The following LGR4 variants were observed in gnomAD, a reference collection of about 807,000 sequenced individuals.
LGR4 encodes leucine-rich repeat-containing G protein-coupled receptor 4.
In LGR4, 44 loss-of-function variants were observed where a neutral mutation model predicts 84.8. The ratio of observed to expected loss-of-function variants is 0.52; its 90% CI spans 0.41 to 0.67. The LOEUF (loss-of-function observed/expected upper bound fraction) is 0.67, where lower values mean the gene tolerates loss of function less well. Among genes scored for constraint, LGR4 ranks in the 30% least tolerant of loss-of-function variants. The pLI is 0.00. For synonymous variants in LGR4, 429 were observed against 434.3 expected (o/e 0.99, Z 0.15); for missense variants, 1,032 against 1,131.4 (o/e 0.91, Z 1.26).
chr11:27,415,623 T>C (rs1863801710), intron 1 of LGR4, among the ~76,000 whole-genome samples: 1 of 152,132 alleles, frequency 6.6e-6, no homozygotes, highest in African/African-American at 2.4e-5. Flanking sequence ...GTAATACTTA[T>C]TTCTAAATTT....
At chr11:27,419,850 G>C (rs937098347) in intron 1 of LGR4, among the ~76,000 whole-genome samples, 1 of 151,828 alleles carries the variant, frequency 6.6e-6, no homozygotes, top group African/African-American at 2.4e-5. Context: ...CATATTGCAC[G>C]ATTCCATTTA....
chr11:27,455,244 C>A (rs1233812557), intron 1 of LGR4, among the ~76,000 whole-genome samples: 1 of 152,054 alleles, frequency 6.6e-6, no homozygotes, highest in Non-Finnish European at 1.5e-5. Flanking sequence ...TTTTAACATA[C>A]CCTGGAGCAC....
At chr11:27,385,667 A>G (rs1435926196) in intron 4 of LGR4, 199 bp from the exon 5 acceptor site, 1 of 404,712 alleles carries the variant, frequency 2.5e-6, no homozygotes, top group Non-Finnish European at 4.3e-6. Flanking sequence ...CTCTTTCTTC[A>G]TAAGAATGGC....
chr11:27,426,768 A>G (rs1219136738), intron 1 of LGR4, among the ~76,000 whole-genome samples: 1 of 152,226 alleles, frequency 6.6e-6, no homozygotes, highest in African/African-American at 2.4e-5. Context: ...TGAGACCCAG[A>G]GGGGTTAAAT....
At chr11:27,447,179 TATAATA>T (rs573204253) in intron 1 of LGR4, among the ~76,000 whole-genome samples, 1 of 151,658 alleles carries the variant, frequency 6.6e-6, no homozygotes, top group Non-Finnish European at 1.5e-5. Flanking sequence ...GAACTTAAAG[TATAATA>T]ATAATAATAA....
intron 2 of LGR4, among the ~76,000 whole-genome samples, chr11:27,397,272 C>G (rs1048506187): frequency 2.6e-5 from 4 of 152,186 alleles, no homozygotes; most frequent in African/African-American, 9.6e-5. Flanking sequence ...CCGGTATGAA[C>G]TCATGATATC....
chr11:27,378,324 A>T (rs1863028250), intron 11 of LGR4, among the ~76,000 whole-genome samples: 2 of 152,178 alleles, frequency 1.3e-5, no homozygotes, highest in South Asian at 4.1e-4. Flanking sequence ...GCTTTAGTTC[A>T]TTCCAGACTG....
intron 1 of LGR4, among the ~76,000 whole-genome samples, chr11:27,440,989 G>A (rs907766638): frequency 9.9e-5 from 15 of 152,082 alleles, no homozygotes; most frequent in Non-Finnish European, 1.3e-4. Flanking sequence ...TTTTATGCTC[G>A]TGAAAGTATT....
intron 1 of LGR4, among the ~76,000 whole-genome samples, chr11:27,424,757 T>C (rs1863989056): frequency 6.6e-6 from 1 of 152,170 alleles, no homozygotes; most frequent in Non-Finnish European, 1.5e-5. Flanking sequence ...TGTCTGTTTG[T>C]TTGTTTTTGA....
chr11:27,428,657 G>A (rs1864065599), intron 1 of LGR4, among the ~76,000 whole-genome samples: 1 of 152,218 alleles, frequency 6.6e-6, no homozygotes, highest in Middle Eastern at 3.2e-3. Context: ...AGATAGATAA[G>A]AGCCCCCTGA....
chr11:27,414,092 T>C (rs200386937), intron 1 of LGR4, among the ~76,000 whole-genome samples: 5 of 152,166 alleles, frequency 3.3e-5, no homozygotes, highest in East Asian at 1.9e-4. Flanking sequence ...TAAGACTACA[T>C]AGAAAATCTT....
At chr11:27,378,376 G>C (rs945252480) in intron 11 of LGR4, among the ~76,000 whole-genome samples, 1 of 152,146 alleles carries the variant, frequency 6.6e-6, no homozygotes, top group African/African-American at 2.4e-5. Flanking sequence ...ATGAAAGAAG[G>C]AGACTATGAG....
intron 2 of LGR4, among the ~76,000 whole-genome samples, chr11:27,395,432 A>G (rs921581775): frequency 2.6e-5 from 4 of 152,232 alleles, no homozygotes; most frequent in Non-Finnish European, 5.9e-5. Context: ...GTCAACAGAA[A>G]AGAGTGTTTG....
intron 2 of LGR4, among the ~76,000 whole-genome samples, chr11:27,398,907 CTCTCTT>C (rs1863442450): frequency 2.0e-5 from 3 of 152,106 alleles, no homozygotes; most frequent in Non-Finnish European, 1.5e-5. Flanking sequence ...TTCTCTCTCT[CTCTCTT>C]TCTCTTTTTT....
At chr11:27,430,371 A>T (rs960717429) in intron 1 of LGR4, among the ~76,000 whole-genome samples, 2 of 152,164 alleles carry the variant, frequency 1.3e-5, no homozygotes, top group African/African-American at 4.8e-5. Context: ...TCAGAGAACA[A>T]GTTGCCCTGG....
At chr11:27,452,684 C>T (rs539685770) in intron 1 of LGR4, among the ~76,000 whole-genome samples, 26 of 134,902 alleles carry the variant, frequency 1.9e-4, no homozygotes, top group African/African-American at 2.3e-4. Flanking sequence ...AGTGCAGTGG[C>T]GCGATCTCGG....
chr11:27,431,508 C>T (rs1484843777), intron 1 of LGR4, among the ~76,000 whole-genome samples: 1 of 152,214 alleles, frequency 6.6e-6, no homozygotes, highest in Non-Finnish European at 1.5e-5. Flanking sequence ...TATCCTATTC[C>T]ATAACCAATA....
Position 27,380,951 on chromosome 11 carries a change from A to T in LGR4, c.774T>A (p.Asn258Lys). 6.5e-7 allele frequency: 1 copy of T among 1,535,322 alleles called. No homozygotes were observed. ...PSLKELGFHS[N>K]SISVIPDGAF... The stretch of plus-strand genomic sequence containing the variant: ...CTCCATCAGGGATAACAGAAATAGA[A>T]TTACTATGAAATCCTCTAGAAAGAT... Residue 258 changes from asparagine (N) to lysine (K), a missense_variant, in exon 8 of 18, where the codon AAT (asparagine) becomes AAA (lysine). Coordinates refer to ENST00000379214, the MANE Select transcript of LGR4 (RefSeq NM_018490.5).
chr11:27,447,874 ACAAC>A (rs1864417490), intron 1 of LGR4, among the ~76,000 whole-genome samples: 4 of 152,226 alleles, frequency 2.6e-5, no homozygotes, highest in Admixed American at 2.6e-4. Flanking sequence ...AAATATATGT[ACAAC>A]CAAAGTATCG....
Sources: gnomAD v4.1 joint callset for allele counts (sites outside exome capture counted in the v4.1 genomes callset) on GRCh38, gnomAD v4.1.1 for gene constraint, MANE v1.5 for transcripts, NCBI Gene and HGNC (gene_info 2026-07-23, HGNC 2026-07-21) for gene names.